CPSF2: variants seen among roughly 807,000 people sequenced by gnomAD.
CPSF2 encodes the protein cleavage and polyadenylation specific factor 2.
In CPSF2, 51 loss-of-function variants were observed where a neutral mutation model predicts 84.2. The observed-to-expected ratio is 0.61, with a 90% CI of 0.48 to 0.77. The LOEUF (loss-of-function observed/expected upper bound fraction) is 0.77. CPSF2 is among the 30% of genes least tolerant of loss of function. CPSF2 has a pLI of 0.00. For synonymous variants in CPSF2, 286 were observed against 311.9 expected (o/e 0.92, Z 0.87); for missense variants, 641 against 929.4 (o/e 0.69, Z 4.03).
rs1052738380 is a variant in CPSF2, at chr14:92,167,393, G to T, written c.*5649G>T. Reference sequence around the variant, plus strand: ...AAAAGCAGTTGACATTTATAACTTAGAGTCTTTTAATGTTAGTGCTGAAAG... The same window carrying T: ...AAAAGCAGTTGACATTTATAACTTATAGTCTTTTAATGTTAGTGCTGAAAG... On this transcript the variant is annotated 3_prime_UTR_variant, in exon 16 of 16. Transcript: ENST00000298875. The T allele has an allele frequency of 5.9e-5, 9 of 152,238 alleles. No homozygotes were observed. The highest frequency in any genetic ancestry group is 7.4e-5 in the Non-Finnish European group (5 of 68,024). The allele number at this position is 152,238 out of a possible 1,614,324, so 9.4% of individuals were successfully genotyped here.
At chr14:92,147,554 C>T (rs989926329) in intron 9 of CPSF2, among the ~76,000 whole-genome samples, 1 of 151,928 alleles carries the variant, frequency 6.6e-6, no homozygotes, top group Non-Finnish European at 1.5e-5. Context: ...AACTAAATCA[C>T]AGAGGTAAAT....
Position 92,134,212 on chromosome 14 carries a change from G to A in CPSF2, c.310-38G>A, listed in dbSNP as rs116318468. On this transcript the variant is annotated intron_variant, in intron 4 of 15. Transcript: ENST00000298875. ...AAAAAATTTTGTTAGCACTCCTTCA[G>A]TGATTGTTTTTCACCTTTATTTGTG... 1,703 of 1,611,400 alleles carry A rather than the reference G, an allele frequency of 1.1e-3. 18 individuals carry two copies. The African/African-American group carries it at 0.02, about 19-fold the overall frequency.
At chr14:92,153,734 T>C (rs10146325) in intron 9 of CPSF2, among the ~76,000 whole-genome samples, 75,177 of 147,966 alleles carry the variant, frequency 0.51, 20,655 homozygotes, top group East Asian at 0.98. Context: ...GACAGAGTAT[T>C]GCTTTGTCAC....
chr14:92,133,147 T>A (rs2068955208), intron 3 of CPSF2, among the ~76,000 whole-genome samples: 1 of 150,870 alleles, frequency 6.6e-6, no homozygotes, highest in Non-Finnish European at 1.5e-5. Context: ...TGGCCGGGCG[T>A]GGTGGCTCAC....
At chr14:92,135,579 T>C in intron 6 of CPSF2, 83 bp downstream of exon 6, 1 of 1,433,934 alleles carries the variant, frequency 7.0e-7, no homozygotes, top group East Asian at 2.3e-5. Context: ...ACACAGTTTT[T>C]GTTTTGGTTA....
intron 3 of CPSF2, 147 bp downstream of exon 3, chr14:92,131,280 A>G (rs1379549930): frequency 7.0e-6 from 4 of 572,840 alleles, no homozygotes; most frequent in Non-Finnish European, 1.1e-5. Flanking sequence ...ACCTATAGTG[A>G]CATTTTAACT....
chr14:92,141,206 G>T (rs767817861), intron 7 of CPSF2, among the ~76,000 whole-genome samples: 97 of 152,030 alleles, frequency 6.4e-4, no homozygotes, highest in African/African-American at 2.3e-3. Flanking sequence ...TAATGCAATA[G>T]TTTAAAAAAT....
At chr14:92,149,939 G>A (rs1162678809) in intron 9 of CPSF2, among the ~76,000 whole-genome samples, 1 of 152,158 alleles carries the variant, frequency 6.6e-6, no homozygotes, top group African/African-American at 2.4e-5. Context: ...ACAGGCATGA[G>A]TCACTGCGCC....
At chr14:92,130,509 C>T (rs971604241) in intron 2 of CPSF2, among the ~76,000 whole-genome samples, 2 of 152,178 alleles carry the variant, frequency 1.3e-5, no homozygotes, top group African/African-American at 4.8e-5. Flanking sequence ...AACTTGGATG[C>T]AGTAGTATCT....
Position 92,164,435 on chromosome 14 carries a change from T to C in CPSF2, c.*2691T>C, listed in dbSNP as rs1450512632. On this transcript the variant is annotated 3_prime_UTR_variant, in exon 16 of 16. Transcript: ENST00000298875. ...AAGACTTTGTTTTAGCTTCAATTAC[T>C]TCAGAAAATATAAATTTTAAAGATG... The C allele has an allele frequency of 6.6e-6, 1 of 152,220 alleles. No homozygotes were observed. The highest frequency in any genetic ancestry group is 1.9e-4 in the East Asian group (1 of 5,196). The allele number at this position is 152,220 out of a possible 1,614,324, so 9.4% of individuals were successfully genotyped here.
chr14:92,156,182 C>T (rs2069287316), intron 11 of CPSF2, among the ~76,000 whole-genome samples: 1 of 152,036 alleles, frequency 6.6e-6, no homozygotes, highest in African/African-American at 2.4e-5. Context: ...CCTAGCTACT[C>T]TGGGGGCTGA....
chr14:92,137,542 A>G (rs2069016211), intron 6 of CPSF2, among the ~76,000 whole-genome samples: 1 of 152,140 alleles, frequency 6.6e-6, no homozygotes, highest in African/African-American at 2.4e-5. Flanking sequence ...TTCTTCTGGG[A>G]AGTATGTAGA....
chr14:92,154,417 A>G lies in CPSF2; in HGVS notation c.1200A>G (p.Lys400=). ...KELEEYLEKE[K]LKKEAAKKLE... ...TTGAAGAATACTTGGAAAAAGAGAA[A>G]CTAAAGAAAGAAGCTGCCAAAAAGC... is the stretch of plus-strand genomic sequence containing the variant. The change falls in exon 10 of 16, where the codon AAA becomes AAG. Residue 400 remains lysine (K), a synonymous_variant. Coordinates refer to ENST00000298875, the MANE Select transcript of CPSF2 (RefSeq NM_017437.3). 6.2e-7 allele frequency: 1 copy of G among 1,610,840 alleles called. No homozygotes were observed.
Position 92,161,812 on chromosome 14 carries a change from CT to C in CPSF2, c.*72del. 1.1e-6 allele frequency: 1 copy of C among 875,144 alleles called. No individual in the cohort carries two copies. The highest frequency in any genetic ancestry group is 1.7e-6 in the Non-Finnish European group (1 of 576,912). 54.2% of individuals were successfully genotyped at this position (875,144 alleles called of 1,614,324 possible). A position where few individuals can be genotyped will look rare whatever the true frequency, so the allele number is the denominator to read the frequency against. On this transcript the variant is annotated 3_prime_UTR_variant, in exon 16 of 16. Coordinates refer to ENST00000298875, the MANE Select transcript of CPSF2 (RefSeq NM_017437.3). Reference sequence around the variant, plus strand: ...AAAGGGATTCTTATCTTACTCTGAGCTTTTGATGTTTTGTTTTGTAACATAC... The same window carrying C: ...AAAGGGATTCTTATCTTACTCTGAGCTTTGATGTTTTGTTTTGTAACATAC...
intron 3 of CPSF2, 96 bp downstream of exon 3, chr14:92,131,229 A>AGTTT: frequency 1.0e-6 from 1 of 953,670 alleles, no homozygotes; most frequent in Admixed American, 3.0e-5. Context: ...GCCTTTTTAC[A>AGTTT]CTAGTTTATA....
chr14:92,157,899 A>C lies in CPSF2; in HGVS notation c.1821+15A>C. The C allele has an allele frequency of 6.4e-7, 1 of 1,566,694 alleles. No individual in the cohort carries two copies. Among genetic ancestry groups the C allele is most frequent in the Non-Finnish European group, 8.8e-7 (1 of 1,136,998 alleles). Reference sequence around the variant, plus strand: ...ACATCTACCAGGTAAACATGCCAGGAGTTGCCATTGAGTAGAAATAAGTAC... The same window carrying C: ...ACATCTACCAGGTAAACATGCCAGGCGTTGCCATTGAGTAGAAATAAGTAC... On this transcript the variant is annotated intron_variant, in intron 13 of 15. Coordinates refer to ENST00000298875, the MANE Select transcript of CPSF2 (RefSeq NM_017437.3). The surrounding 1 kb of genome is among the most constrained non-coding windows in gnomAD (Gnocchi z 4.0).
intron 7 of CPSF2, 61 bp from the exon 8 acceptor site, chr14:92,142,103 C>G: frequency 8.2e-7 from 1 of 1,226,022 alleles, no homozygotes; most frequent in Non-Finnish European, 1.1e-6. Flanking sequence ...ATAAAATTAT[C>G]TTTAATTTTG....
chr14:92,133,976 T>C, intron 3 of CPSF2, 35 bp from the exon 4 acceptor site: 2 of 1,608,546 alleles, frequency 1.2e-6, no homozygotes, highest in Middle Eastern at 3.3e-4. Flanking sequence ...CTTAAAAAGA[T>C]TCAAGAAGTA....
At position 92,161,358 on chromosome 14, in the gene CPSF2, T is replaced by C. The variant is rs924643626; in HGVS notation, c.2256+112T>C. On this transcript the variant is annotated intron_variant, in intron 15 of 15. Coordinates refer to ENST00000298875, the MANE Select transcript of CPSF2 (RefSeq NM_017437.3). ...TTCACAAAACTGAAGATCAGTAATT[T>C]ATATTCATGATCATGACCTCAAAGG... The C allele has an allele frequency of 3.1e-6, 4 of 1,275,058 alleles. No individual in the cohort carries two copies. In the African/African-American group the frequency reaches 4.6e-5, roughly 15 times the overall value. 79.0% of individuals were successfully genotyped at this position (1,275,058 alleles called of 1,614,324 possible).
Sources: allele counts gnomAD v4.1 joint callset (sites outside exome capture counted in the v4.1 genomes callset), GRCh38; gene constraint gnomAD v4.1.1; non-coding constraint Gnocchi (gnomAD v3.1); transcripts MANE v1.5; gene names NCBI Gene and HGNC (gene_info 2026-07-23, HGNC 2026-07-21).